Variants in EYS observed in about 807,000 individuals in gnomAD.
The protein encoded by EYS is EGF-like photoreceptor maintenance factor.
A neutral mutation model predicts 282.1 loss-of-function variants in EYS; 250 were observed. That is an observed-to-expected ratio of 0.89 (90% confidence interval 0.80 to 0.98). The LOEUF (loss-of-function observed/expected upper bound fraction) is 0.98, where lower values mean the gene tolerates loss of function less well. Ranked by LOEUF, EYS falls within the 50% of genes least tolerant of loss-of-function variation. The pLI, the probability that EYS is intolerant of heterozygous loss-of-function variation, is 0.00. For missense variants in EYS, 4,016 were observed against 3,709.0 expected (o/e 1.08, Z -2.15); for synonymous variants, 1,355 against 1,282.9 (o/e 1.06, Z -1.20).
chr6:64,460,752 A>AGAG (rs1330568617), intron 26 of EYS, among the ~76,000 whole-genome samples: 1 of 152,226 alleles, frequency 6.6e-6, no homozygotes, highest in African/African-American at 2.4e-5. Context: ...CTGATAGTTA[A>AGAG]GAGGAGGAGT....
chr6:64,386,541 A>T (rs1014906478), intron 29 of EYS, among the ~76,000 whole-genome samples: 1 of 152,144 alleles, frequency 6.6e-6, no homozygotes, highest in African/African-American at 2.4e-5. Context: ...CACCCTTGAC[A>T]CATGGAGATT....
chr6:64,814,559 CT>C (rs1290058922), intron 21 of EYS, among the ~76,000 whole-genome samples: 1 of 151,970 alleles, frequency 6.6e-6, no homozygotes, highest in Non-Finnish European at 1.5e-5. Flanking sequence ...ATACCATATG[CT>C]TTTAAGTTTA....
chr6:65,209,270 T>A (rs933906484), intron 12 of EYS, among the ~76,000 whole-genome samples: 46 of 151,700 alleles, frequency 3.0e-4, no homozygotes, highest in African/African-American at 9.2e-4. Flanking sequence ...TTTTAATTTT[T>A]ACTTCCTATG....
chr6:65,147,540 C>G (rs1462056907), intron 12 of EYS, among the ~76,000 whole-genome samples: 2 of 152,002 alleles, frequency 1.3e-5, no homozygotes, highest in Non-Finnish European at 2.9e-5. Flanking sequence ...TACATAATGT[C>G]TCATGTCATA....
chr6:64,844,285 A>T (rs2150036919), intron 19 of EYS, among the ~76,000 whole-genome samples: 1 of 151,526 alleles, frequency 6.6e-6, no homozygotes, highest in Non-Finnish European at 1.5e-5. Flanking sequence ...TTCTCAAAAT[A>T]GCCTTTCTCA....
At chr6:65,409,854 T>C (rs910115880) in intron 5 of EYS, among the ~76,000 whole-genome samples, 4 of 152,062 alleles carry the variant, frequency 2.6e-5, no homozygotes, top group Admixed American at 2.6e-4. Flanking sequence ...TTGGATTGTG[T>C]CAGTTTGTAA....
chr6:63,898,899 T>G (rs191719096), intron 35 of EYS, among the ~76,000 whole-genome samples: 166 of 152,326 alleles, frequency 1.1e-3, no homozygotes, highest in Admixed American at 2.0e-3. Context: ...TTTTAGTGCA[T>G]CATTATGAAG....
chr6:65,229,249 A>G (rs1419390245), intron 12 of EYS, among the ~76,000 whole-genome samples: 2 of 150,070 alleles, frequency 1.3e-5, no homozygotes, highest in Non-Finnish European at 3.0e-5. Flanking sequence ...CATTTGAACA[A>G]CTAGTGTTGC....
At position 64,813,532 on chromosome 6, in the gene EYS, A is replaced by G; in HGVS notation, c.3289T>C (p.Ser1097Pro). 1 of 1,550,266 alleles carries G rather than the reference A, an allele frequency of 6.5e-7. No individual in the cohort carries two copies. The highest frequency in any genetic ancestry group is 1.2e-5 in the South Asian group (1 of 84,004). The stretch of plus-strand genomic sequence containing the variant: ...CAAATGCAAGTAAATCCATGTGCTG[A>G]CTTCTGACAGAAGCCTTCATTCATA... Reference protein sequence around the residue: ...PCMNEGFCQKSAHGFTCICPR... With the variant: ...PCMNEGFCQKPAHGFTCICPR... The change falls in exon 22 of 43, where the codon TCA becomes CCA. Residue 1097 changes from serine to proline, a missense_variant. Transcript: ENST00000503581.
intron 12 of EYS, among the ~76,000 whole-genome samples, chr6:65,143,773 C>G (rs966192567): frequency 4.6e-5 from 7 of 152,162 alleles, no homozygotes; most frequent in African/African-American, 1.7e-4. Flanking sequence ...TTGCATATGT[C>G]TCTGTTACTC....
At position 63,726,664 on chromosome 6, in the gene EYS, A is replaced by T. The variant is rs780632755; in HGVS notation, c.8088T>A (p.Asp2696Glu). Residue 2696 changes from aspartate to glutamate, a missense_variant, in exon 42 of 43, where the codon GAT (aspartate) becomes GAA (glutamate). By Grantham distance (45) the Asp-to-Glu change is conservative (BLOSUM62 2). Coordinates refer to ENST00000503581, the MANE Select transcript of EYS (RefSeq NM_001142800.2). ...ATAACTCATTGCTTCTGAAAGATGG[A>T]TCACTTATGGATAAAGCTGAGGGAA... ...IYCEQALSISDPSFRSNELSW... is the reference protein window; with the variant it reads ...IYCEQALSISEPSFRSNELSW... 1.5e-5 allele frequency: 23 copies of T among 1,551,112 alleles called. No individual in the cohort carries two copies. Among genetic ancestry groups the T allele is most frequent in the Non-Finnish European group, 2.0e-5 (23 of 1,146,682 alleles).
At chr6:65,582,013 A>G (rs1764888484) in intron 2 of EYS, among the ~76,000 whole-genome samples, 1 of 151,154 alleles carries the variant, frequency 6.6e-6, no homozygotes, top group African/African-American at 2.4e-5. Context: ...CATGGTGAAA[A>G]CCTGTTTCTA....
intron 2 of EYS, among the ~76,000 whole-genome samples, chr6:65,560,114 T>C (rs1349827161): frequency 6.7e-6 from 1 of 149,230 alleles, no homozygotes; most frequent in Admixed American, 6.7e-5. Flanking sequence ...ATAATCTGCA[T>C]TTACTAATAT....
chr6:64,529,517 T>C (rs1396035844), intron 26 of EYS, among the ~76,000 whole-genome samples: 1 of 152,072 alleles, frequency 6.6e-6, no homozygotes, highest in South Asian at 2.1e-4. Flanking sequence ...ATTAAATAAA[T>C]GCTTTTTCAT....
chr6:65,511,725 G>T (rs1375419241), intron 2 of EYS, among the ~76,000 whole-genome samples: 1 of 152,046 alleles, frequency 6.6e-6, no homozygotes, highest in Non-Finnish European at 1.5e-5. Context: ...GACTGAGACA[G>T]GGGGCTCACT....
At chr6:64,424,236 T>A (rs894160140) in intron 28 of EYS, among the ~76,000 whole-genome samples, 2 of 152,200 alleles carry the variant, frequency 1.3e-5, no homozygotes, top group African/African-American at 4.8e-5. Context: ...ACGACCTACA[T>A]AAAATATGCA....
At chr6:65,432,598 G>A (rs978333209) in intron 5 of EYS, among the ~76,000 whole-genome samples, 7 of 152,100 alleles carry the variant, frequency 4.6e-5, no homozygotes, top group Non-Finnish European at 8.8e-5. Context: ...ACAGACGTGG[G>A]AGAGTGGGAG....
At chr6:64,267,011 G>A (rs115888902) in intron 30 of EYS, among the ~76,000 whole-genome samples, 2,063 of 152,228 alleles carry the variant, frequency 0.014, 18 homozygotes, top group Non-Finnish European at 0.023. Flanking sequence ...CAGTCACATT[G>A]TGCATGCTTT....
intron 28 of EYS, among the ~76,000 whole-genome samples, chr6:64,401,273 A>C (rs926896472): frequency 2.6e-5 from 4 of 152,128 alleles, no homozygotes; most frequent in Non-Finnish European, 5.9e-5. Flanking sequence ...CTCAAATCTT[A>C]AGCTTAACAA....
Sources: gnomAD v4.1 joint callset for allele counts (sites outside exome capture counted in the v4.1 genomes callset) on GRCh38, gnomAD v4.1.1 for gene constraint, MANE v1.5 for transcripts, NCBI Gene and HGNC (gene_info 2026-07-23, HGNC 2026-07-21) for gene names.